ARHGEF26: variants seen among roughly 807,000 people sequenced by gnomAD.
ARHGEF26 encodes Rho guanine nucleotide exchange factor 26.
In ARHGEF26, 59 loss-of-function variants were observed where a neutral mutation model predicts 89.4. The ratio of observed to expected loss-of-function variants is 0.66; its 90% confidence interval spans 0.54 to 0.82. The LOEUF (loss-of-function observed/expected upper bound fraction) is 0.82. ARHGEF26 is among the 40% of genes least tolerant of loss of function. The pLI is 0.00. For missense variants in ARHGEF26, 1,234 were observed against 1,085.6 expected (o/e 1.14, Z -1.92); for synonymous variants, 500 against 428.4 (o/e 1.17, Z -2.06).
intron 6 of ARHGEF26, among the ~76,000 whole-genome samples, chr3:154,166,890 G>A (rs1054932514): frequency 2.6e-5 from 4 of 152,120 alleles, no homozygotes; most frequent in East Asian, 3.9e-4. Context: ...GGTTTGGGGC[G>A]TAGCTTCCAG....
chr3:154,257,126 C>A lies in ARHGEF26; in HGVS notation c.*1653C>A. 3.3e-6 allele frequency: 3 copies of A among 915,546 alleles called. No individual in the cohort carries two copies. Among genetic ancestry groups the A allele is most frequent in the Non-Finnish European group, 4.7e-6 (3 of 643,004 alleles). The allele number at this position is 915,546 out of a possible 1,614,324, so 56.7% of individuals were successfully genotyped here. A position where few individuals can be genotyped will look rare whatever the true frequency, so the allele number is the denominator to read the frequency against. On this transcript the variant is annotated 3_prime_UTR_variant, in exon 15 of 15. Coordinates refer to ENST00000465093, the MANE Select transcript of ARHGEF26 (RefSeq NM_015595.4). ...CCAGTTGAGGGGTAAGTGTGCCTGG[C>A]TCACACAGCCTGCACCCTGTCACCT...
At chr3:154,158,522 C>G (rs1287472018) in intron 6 of ARHGEF26, among the ~76,000 whole-genome samples, 1 of 152,162 alleles carries the variant, frequency 6.6e-6, no homozygotes, top group African/African-American at 2.4e-5. Flanking sequence ...ACCTAGATGA[C>G]TTTGGGTCAG....
At chr3:154,201,313 T>C (rs1035679098) in intron 9 of ARHGEF26, among the ~76,000 whole-genome samples, 2 of 152,136 alleles carry the variant, frequency 1.3e-5, no homozygotes, top group African/African-American at 4.8e-5. Flanking sequence ...TTCATCCATG[T>C]CCCTACAAAG....
At position 154,240,558 on chromosome 3, in the gene ARHGEF26, T is replaced by C; in HGVS notation, c.2279T>C (p.Met760Thr). 1.9e-6 allele frequency: 3 copies of C among 1,611,606 alleles called. No individual in the cohort carries two copies. Among genetic ancestry groups the C allele is most frequent in the Non-Finnish European group, 2.5e-6 (3 of 1,178,796 alleles). ...LSNHANEKVEMLLGAETQSER... is the reference protein window; with the variant it reads ...LSNHANEKVETLLGAETQSER... Reference sequence around the variant, plus strand: ...AACCACGCGAATGAGAAAGTGGAGATGCTACTAGGAGCTGAGACGCAGTAA... The same window carrying C: ...AACCACGCGAATGAGAAAGTGGAGACGCTACTAGGAGCTGAGACGCAGTAA... The change falls in exon 12 of 15, where the codon ATG becomes ACG. Residue 760 changes from methionine (M) to threonine (T), a missense_variant. Coordinates refer to ENST00000465093, the MANE Select transcript of ARHGEF26 (RefSeq NM_015595.4).
At chr3:154,134,444 C>G (rs753492048) in intron 4 of ARHGEF26, among the ~76,000 whole-genome samples, 4 of 152,132 alleles carry the variant, frequency 2.6e-5, no homozygotes, top group African/African-American at 9.7e-5. Context: ...TGCAGAGAAA[C>G]TTCCGTTTTT....
intron 3 of ARHGEF26, among the ~76,000 whole-genome samples, chr3:154,129,006 C>G (rs1380211507): frequency 6.6e-6 from 1 of 152,152 alleles, no homozygotes; most frequent in African/African-American, 2.4e-5. Flanking sequence ...ATTTCACGTG[C>G]TAAGCTGTTG....
Position 154,122,595 on chromosome 3 carries a change from G to C in ARHGEF26, c.603G>C (p.Gly201=), listed in dbSNP as rs760553634. 1.9e-6 allele frequency: 3 copies of C among 1,613,640 alleles called. No individual in the cohort carries two copies. Among genetic ancestry groups the C allele is most frequent in the East Asian group, 2.2e-5 (1 of 44,860 alleles). ...GGAAGGCAAAGGACCCCGAACGGGG[G>C]CTCTTTCCTGGGCCCCAGAAAAGTT... is the stretch of plus-strand genomic sequence containing the variant. ...SGRKAKDPER[G]LFPGPQKSSS... Residue 201 remains glycine (G), a synonymous_variant, in exon 2 of 15, where the codon GGG becomes GGC. Coordinates refer to ENST00000465093, the MANE Select transcript of ARHGEF26 (RefSeq NM_015595.4).
At position 154,122,077 on chromosome 3, in the gene ARHGEF26, G is replaced by C. The variant is rs12493885; in HGVS notation, c.85G>C (p.Val29Leu). Reference protein sequence around the residue: ...RRRSIPQPHQVLGRSKPRPQS... With the variant: ...RRRSIPQPHQLLGRSKPRPQS... ...GCGGTCGATTCCTCAGCCCCACCAG[G>C]TTCTGGGCCGGAGCAAGCCGAGGCC... Residue 29 changes from valine (V) to leucine (L), a missense_variant, in exon 2 of 15, where the codon GTT becomes CTT. Transcript: ENST00000465093. 0.88 allele frequency: 1,419,836 copies of C among 1,612,174 alleles called. 626,984 individuals carry two copies. Among genetic ancestry groups the C allele is most frequent in the East Asian group, 1 (44,761 of 44,786 alleles).
chr3:154,136,636 A>G (rs1719026599), intron 4 of ARHGEF26, among the ~76,000 whole-genome samples: 1 of 152,252 alleles, frequency 6.6e-6, no homozygotes, highest in Admixed American at 6.5e-5. Flanking sequence ...AGTAAAAATC[A>G]GAGCTCAACA....
chr3:154,238,817 A>G (rs1028128898), intron 11 of ARHGEF26, among the ~76,000 whole-genome samples: 3 of 152,200 alleles, frequency 2.0e-5, no homozygotes, highest in African/African-American at 4.8e-5. Flanking sequence ...GGCAAATACA[A>G]TCAAGGAGAT....
Position 154,254,821 on chromosome 3 carries a change from G to A in ARHGEF26, c.2470G>A (p.Asp824Asn), listed in dbSNP as rs1326353446. 5.6e-6 allele frequency: 9 copies of A among 1,613,194 alleles called. No homozygotes were observed. The highest frequency in any genetic ancestry group is 3.3e-5 in the Admixed American group (2 of 60,012). Residue 824 changes from aspartate to asparagine, a missense_variant, in exon 14 of 15, where the codon GAT (aspartate) becomes AAT (asparagine). Asp to Asn is a conservative substitution (Grantham distance 23). Transcript: ENST00000465093. ...DVVLIYQRVS[D>N]GWYEGERLRD... is the part of the protein sequence containing the mutation. ...CGTCCTCATCTATCAACGTGTCAGC[G>A]ATGGTGAGTGGGAGCGTTCTTATGG...
chr3:154,133,743 A>G (rs891845057), intron 4 of ARHGEF26, among the ~76,000 whole-genome samples: 18 of 152,000 alleles, frequency 1.2e-4, no homozygotes, highest in Admixed American at 7.2e-4. Context: ...AAGAATCTCA[A>G]TGCTAGTTTA....
intron 5 of ARHGEF26, among the ~76,000 whole-genome samples, chr3:154,151,587 C>A (rs73160535): frequency 2.0e-5 from 3 of 152,164 alleles, no homozygotes; most frequent in Non-Finnish European, 4.4e-5. Flanking sequence ...AGACTCTTAA[C>A]ATTCTTACTC....
chr3:154,146,873 A>G (rs1267103504), intron 4 of ARHGEF26, among the ~76,000 whole-genome samples: 2 of 152,208 alleles, frequency 1.3e-5, no homozygotes, highest in South Asian at 2.1e-4. Flanking sequence ...CAGTTTGTGA[A>G]TTGGCTGGAT....
chr3:154,246,531 A>C (rs1397361920), intron 12 of ARHGEF26, among the ~76,000 whole-genome samples: 1 of 152,216 alleles, frequency 6.6e-6, no homozygotes. Flanking sequence ...ATTTCTAAAA[A>C]TGCTTGGTCT....
intron 6 of ARHGEF26, among the ~76,000 whole-genome samples, chr3:154,172,066 T>C (rs357482): frequency 0.91 from 138,545 of 152,262 alleles, 63,249 homozygotes; most frequent in East Asian, 1. Context: ...CAGTATTTTG[T>C]GCCATGTCAA....
intron 6 of ARHGEF26, among the ~76,000 whole-genome samples, chr3:154,157,403 G>C (rs1711498220): frequency 6.6e-6 from 1 of 152,118 alleles, no homozygotes; most frequent in African/African-American, 2.4e-5. Context: ...AAAATCAAAG[G>C]AGAGCATGAG....
At chr3:154,174,234 A>G (rs539373757) in intron 6 of ARHGEF26, among the ~76,000 whole-genome samples, 2 of 152,208 alleles carry the variant, frequency 1.3e-5, no homozygotes, top group African/African-American at 2.4e-5. Context: ...ATGTAAGCTC[A>G]GTGTTGCCAG....
intron 11 of ARHGEF26, among the ~76,000 whole-genome samples, chr3:154,239,261 G>GGA (rs869046214): frequency 0.012 from 1,237 of 104,936 alleles, 12 homozygotes; most frequent in Non-Finnish European, 0.019. Context: ...AGAGAGAGAG[G>GGA]GAGAGAGAGA....
Sources: gnomAD v4.1 joint callset for allele counts (sites outside exome capture counted in the v4.1 genomes callset) on GRCh38, gnomAD v4.1.1 for gene constraint, MANE v1.5 for transcripts, NCBI Gene and HGNC (gene_info 2026-07-23, HGNC 2026-07-21) for gene names.